Variants in SRGAP3 observed in about 807,000 individuals in gnomAD.
SRGAP3 encodes SLIT-ROBO Rho GTPase-activating protein 3.
In SRGAP3, 39 loss-of-function variants were observed where a neutral mutation model predicts 121.1. That is an observed-to-expected ratio of 0.32 (90% CI 0.25 to 0.42). SRGAP3 has a LOEUF of 0.42. Ranked by LOEUF, SRGAP3 falls within the 10% of genes least tolerant of loss-of-function variation. The probability of loss-of-function intolerance (pLI) is 1.00; values close to 1 mark genes in which losing one functional copy is unlikely to be tolerated. For synonymous variants in SRGAP3, 601 were observed against 570.0 expected (o/e 1.05, Z -0.77); for missense variants, 1,213 against 1,470.6 (o/e 0.82, Z 2.86).
intron 3 of SRGAP3, among the ~76,000 whole-genome samples, chr3:9,285,104 C>T (rs1294576013): frequency 6.6e-6 from 1 of 152,136 alleles, no homozygotes; most frequent in Non-Finnish European, 1.5e-5. Flanking sequence ...GTGAAGAGGA[C>T]AAAATCCACT....
intron 18 of SRGAP3, among the ~76,000 whole-genome samples, chr3:8,998,938 C>T (rs577949986): frequency 6.6e-6 from 1 of 152,318 alleles, no homozygotes; most frequent in East Asian, 1.9e-4. Context: ...CATCTGAGCT[C>T]AGGTCCCAGA....
intron 1 of SRGAP3, among the ~76,000 whole-genome samples, chr3:9,181,216 G>C (rs1444529539): frequency 6.6e-6 from 1 of 152,180 alleles, no homozygotes; most frequent in Admixed American, 6.5e-5. Flanking sequence ...GCACAGGTGG[G>C]TGGCATTATT....
chr3:9,061,568 G>A (rs1272819857), intron 5 of SRGAP3, among the ~76,000 whole-genome samples: 3 of 152,122 alleles, frequency 2.0e-5, no homozygotes, highest in African/African-American at 4.8e-5. Context: ...ACCTGAAACT[G>A]TATTTTTTTC....
chr3:9,156,141 C>G (rs945250004), intron 1 of SRGAP3, among the ~76,000 whole-genome samples: 1 of 152,192 alleles, frequency 6.6e-6, no homozygotes, highest in South Asian at 2.1e-4. Context: ...TCAGCCCCTG[C>G]AGGATCCTCA....
At chr3:9,108,031 C>T (rs540436661) in intron 2 of SRGAP3, among the ~76,000 whole-genome samples, 2 of 152,238 alleles carry the variant, frequency 1.3e-5, no homozygotes, top group African/African-American at 4.8e-5. Context: ...TGAAGTAGCT[C>T]AGAAGAGCTG....
intron 7 of SRGAP3, among the ~76,000 whole-genome samples, chr3:9,056,816 C>T (rs1311244986): frequency 2.0e-5 from 3 of 152,152 alleles, no homozygotes; most frequent in African/African-American, 4.8e-5. Context: ...CATAGCTCTT[C>T]GTCCCCCAGC....
rs563289546 is a variant in SRGAP3 at position 9,277,194 on chromosome 3, C to T, written n.442+48816G>A. Among the ~76,000 whole-genome samples the T allele has an allele frequency of 4.6e-5, 7 of 152,264 alleles. No homozygotes were observed. The South Asian group carries it at 1.0e-3, about 23-fold the overall frequency. Reference sequence around the variant, plus strand: ...ACATGCATTGTCTTCATTTAATGCTCACAAAAACCTTGCAAGACATTATTC... The same window carrying T: ...ACATGCATTGTCTTCATTTAATGCTTACAAAAACCTTGCAAGACATTATTC... On this transcript the variant is annotated intron_variant and non_coding_transcript_variant, in intron 3 of 3. Transcript: ENST00000490889.
At chr3:9,076,911 A>G (rs1422584157) in intron 4 of SRGAP3, among the ~76,000 whole-genome samples, 4 of 152,196 alleles carry the variant, frequency 2.6e-5, no homozygotes, top group Admixed American at 2.6e-4. Flanking sequence ...TGTCCAGCAC[A>G]TACTAGGCTC....
chr3:9,306,662 T>A (rs920542202), intron 3 of SRGAP3, among the ~76,000 whole-genome samples: 2 of 152,226 alleles, frequency 1.3e-5, no homozygotes, highest in African/African-American at 4.8e-5. Context: ...GCACCATTTA[T>A]TAAATAGGAA....
intron 8 of SRGAP3, 121 bp downstream of exon 8, chr3:9,056,112 T>C (rs1945808012): frequency 2.3e-6 from 2 of 851,382 alleles, no homozygotes; most frequent in Non-Finnish European, 4.0e-6. Flanking sequence ...AATGATCGTG[T>C]ACTATTCCAT....
chr3:9,121,705 C>T (rs1356385396), intron 2 of SRGAP3, among the ~76,000 whole-genome samples: 1 of 152,146 alleles, frequency 6.6e-6, no homozygotes, highest in Non-Finnish European at 1.5e-5. Flanking sequence ...AATAGGGTGC[C>T]CCCCCATATC....
Position 9,116,697 on chromosome 3 carries a change from G to A in SRGAP3, c.260+8028C>T, listed in dbSNP as rs1948818926. On this transcript the variant is annotated intron_variant, in intron 2 of 21. Coordinates refer to ENST00000383836, the MANE Select transcript of SRGAP3 (RefSeq NM_014850.4). ...GACATGCATGGGTAATTCTCAAGAA[G>A]CTCAAAGCCAGCCCAGAAAGATGAG... 2.6e-5 allele frequency among the ~76,000 whole-genome samples: 4 copies of A among 152,320 alleles called. No individual in the cohort carries two copies. The South Asian group carries it at 8.3e-4, about 32-fold the overall frequency.
intron 18 of SRGAP3, 66 bp downstream of exon 18, chr3:9,010,242 G>A (rs1237958064): frequency 1.3e-6 from 2 of 1,580,108 alleles, no homozygotes; most frequent in East Asian, 2.2e-5. Flanking sequence ...CTGTGGTTGG[G>A]CTGACAAAAG....
At chr3:9,059,862 C>G in intron 6 of SRGAP3, 1 of 341,486 alleles carries the variant, frequency 2.9e-6, no homozygotes, top group Non-Finnish European at 5.7e-6. Flanking sequence ...AATAACATCT[C>G]CTTTACCACA....
intron 1 of SRGAP3, among the ~76,000 whole-genome samples, chr3:9,196,740 T>G (rs991647943): frequency 6.6e-6 from 1 of 152,176 alleles, no homozygotes; most frequent in Non-Finnish European, 1.5e-5. Context: ...GACATAAACA[T>G]GGAAAAATGC....
At chr3:9,302,209 T>G (rs1484862488) in intron 3 of SRGAP3, among the ~76,000 whole-genome samples, 1 of 152,140 alleles carries the variant, frequency 6.6e-6, no homozygotes, top group African/African-American at 2.4e-5. Context: ...GGCCAAGGGT[T>G]TCCGCGAAGG....
chr3:9,045,509 A>AATGATG (rs759746569), intron 10 of SRGAP3, among the ~76,000 whole-genome samples: 23 of 151,370 alleles, frequency 1.5e-4, no homozygotes, highest in East Asian at 5.8e-4. Context: ...GTATGGTGAT[A>AATGATG]ATGATGATGA....
At chr3:9,032,852 A>C in intron 11 of SRGAP3, 100 bp from the exon 12 acceptor site, 1 of 1,064,856 alleles carries the variant, frequency 9.4e-7, no homozygotes, top group Non-Finnish European at 1.4e-6. Context: ...GGAACACAAA[A>C]TGTAAATGGA....
chr3:9,271,755 A>G (rs1265474917), intron 3 of SRGAP3, among the ~76,000 whole-genome samples: 1 of 152,358 alleles, frequency 6.6e-6, no homozygotes, highest in East Asian at 1.9e-4. Context: ...GCACTAAGAA[A>G]AAAGCACAGC....
Sources: gnomAD v4.1 joint callset for allele counts (sites outside exome capture counted in the v4.1 genomes callset) on GRCh38, gnomAD v4.1.1 for gene constraint, MANE v1.5 for transcripts, NCBI Gene and HGNC (gene_info 2026-07-23, HGNC 2026-07-21) for gene names.